PCDH9: variants seen among roughly 807,000 people sequenced by gnomAD.
PCDH9 encodes the protein protocadherin 9.
In PCDH9, 24 loss-of-function variants were observed where a neutral mutation model predicts 70.6. The ratio of observed to expected loss-of-function variants is 0.34; its 90% CI spans 0.25 to 0.48. The LOEUF (loss-of-function observed/expected upper bound fraction) is 0.48. Among genes scored for constraint, PCDH9 ranks in the 20% least tolerant of loss-of-function variants. The pLI, the probability that PCDH9 is intolerant of heterozygous loss-of-function variation, is 0.99. For synonymous variants in PCDH9, 562 were observed against 558.5 expected (o/e 1.01, Z -0.09); for missense variants, 1,281 against 1,503.6 (o/e 0.85, Z 2.45).
At chr13:67,087,032 T>A (rs540133238) in intron 2 of PCDH9, among the ~76,000 whole-genome samples, 6 of 151,380 alleles carry the variant, frequency 4.0e-5, no homozygotes, top group African/African-American at 1.5e-4. Context: ...AGTTTTACTG[T>A]TTGTTCATTT....
intron 2 of PCDH9, among the ~76,000 whole-genome samples, chr13:67,150,691 T>C (rs899598642): frequency 6.6e-5 from 10 of 152,154 alleles, no homozygotes; most frequent in African/African-American, 2.4e-4. Flanking sequence ...AGAAAACCAT[T>C]TGCAACTAAC....
chr13:66,552,638 A>C (rs1457341629), intron 4 of PCDH9, among the ~76,000 whole-genome samples: 2 of 152,314 alleles, frequency 1.3e-5, no homozygotes, highest in East Asian at 3.9e-4. Flanking sequence ...AACTGGATAC[A>C]TGGAAGTAAA....
intron 3 of PCDH9, among the ~76,000 whole-genome samples, chr13:66,786,861 T>A (rs927426286): frequency 6.6e-6 from 1 of 152,214 alleles, no homozygotes; most frequent in African/African-American, 2.4e-5. Context: ...GATAAAAAAA[T>A]TCTCATCATG....
intron 4 of PCDH9, among the ~76,000 whole-genome samples, chr13:66,532,324 C>A (rs753020116): frequency 1.3e-5 from 2 of 152,008 alleles, no homozygotes; most frequent in Non-Finnish European, 2.9e-5. Context: ...AATGCTTAAA[C>A]CACATCTTCA....
chr13:66,394,253 G>C (rs964054763), intron 4 of PCDH9, among the ~76,000 whole-genome samples: 2 of 152,118 alleles, frequency 1.3e-5, no homozygotes, highest in African/African-American at 4.8e-5. Flanking sequence ...AGGTCTTCTT[G>C]AGTAGAATAT....
intron 3 of PCDH9, among the ~76,000 whole-genome samples, chr13:66,849,966 G>T (rs796885884): frequency 6.6e-6 from 1 of 152,122 alleles, no homozygotes; most frequent in Non-Finnish European, 1.5e-5. Context: ...GGGAAGGAAA[G>T]GTCAGTCCCT....
chr13:66,447,925 T>C (rs1958128234), intron 4 of PCDH9, among the ~76,000 whole-genome samples: 1 of 152,154 alleles, frequency 6.6e-6, no homozygotes, highest in South Asian at 2.1e-4. Flanking sequence ...CTGAGTTCTT[T>C]CAGTTTGGAG....
At chr13:66,706,805 T>C (rs1482242782) in intron 3 of PCDH9, among the ~76,000 whole-genome samples, 3 of 151,758 alleles carry the variant, frequency 2.0e-5, no homozygotes, top group Non-Finnish European at 4.4e-5. Flanking sequence ...GGGCAAGGAG[T>C]AAAAAGAGTC....
chr13:67,078,489 CAA>C (rs1361150558), intron 2 of PCDH9, among the ~76,000 whole-genome samples: 1 of 152,072 alleles, frequency 6.6e-6, no homozygotes, highest in African/African-American at 2.4e-5. Flanking sequence ...CACAGTTCCT[CAA>C]AAAAGTTTCA....
chr13:67,216,934 A>T (rs948161867), intron 2 of PCDH9: 1 of 151,764 alleles, frequency 6.6e-6, no homozygotes, highest in East Asian at 1.9e-4. Flanking sequence ...CGGTTCAATG[A>T]CATGAATATA....
chr13:66,809,923 A>G (rs962110316), intron 3 of PCDH9, among the ~76,000 whole-genome samples: 1 of 152,208 alleles, frequency 6.6e-6, no homozygotes, highest in African/African-American at 2.4e-5. Context: ...GGCTAAAGAA[A>G]GCAACATTTA....
intron 3 of PCDH9, among the ~76,000 whole-genome samples, chr13:66,832,507 AAC>A (rs1346457333): frequency 1.3e-5 from 2 of 152,088 alleles, no homozygotes; most frequent in African/African-American, 4.8e-5. Flanking sequence ...ATATTTTTCA[AAC>A]ACATCTATAT....
intron 2 of PCDH9, among the ~76,000 whole-genome samples, chr13:67,072,385 C>A (rs2085784313): frequency 6.6e-6 from 1 of 152,164 alleles, no homozygotes; most frequent in South Asian, 2.1e-4. Flanking sequence ...GAGGTCCCTG[C>A]ATTTTTCCCA....
chr13:67,095,598 C>A (rs1293343212), intron 2 of PCDH9, among the ~76,000 whole-genome samples: 1 of 152,088 alleles, frequency 6.6e-6, no homozygotes. Context: ...TCTGCAGTTA[C>A]ATCAGTGTGA....
chr13:66,469,265 G>T lies in PCDH9; in HGVS notation c.3340+161945C>A, dbSNP rs555417019. On this transcript the variant is annotated intron_variant, in intron 4 of 4. Coordinates refer to ENST00000377865, the MANE Select transcript of PCDH9 (RefSeq NM_203487.3). ...AATAAGGGTAGTAACGTACCTGTTT[G>T]CCCAAAAAGAAACATTTTGCTGCGA... Among the ~76,000 whole-genome samples, 86 of 151,980 alleles carry T rather than the reference G, an allele frequency of 5.7e-4. 1 individual carries two copies. The highest frequency in any genetic ancestry group is 1.1e-3 in the Non-Finnish European group (78 of 67,966).
intron 3 of PCDH9, among the ~76,000 whole-genome samples, chr13:66,882,890 C>T (rs2081945143): frequency 6.6e-6 from 1 of 152,184 alleles, no homozygotes; most frequent in Admixed American, 6.5e-5. Flanking sequence ...ATACTGACCT[C>T]GTGAAGTCCT....
intron 2 of PCDH9, chr13:67,222,101 T>A (rs1013007564): frequency 6.6e-6 from 1 of 152,250 alleles, no homozygotes. Flanking sequence ...AGAATCAGTA[T>A]CATATTTTAA....
At chr13:66,591,252 T>C (rs1169166713) in intron 4 of PCDH9, among the ~76,000 whole-genome samples, 1 of 151,770 alleles carries the variant, frequency 6.6e-6, no homozygotes, top group Non-Finnish European at 1.5e-5. Context: ...AAACCAGTGA[T>C]ATATTGGTTT....
chr13:66,838,640 C>A (rs965178707), intron 3 of PCDH9, among the ~76,000 whole-genome samples: 3 of 151,690 alleles, frequency 2.0e-5, no homozygotes, highest in Non-Finnish European at 4.4e-5. Flanking sequence ...ACATAAAAAC[C>A]CATGTGAATG....
Sources: gnomAD v4.1 joint callset for allele counts (sites outside exome capture counted in the v4.1 genomes callset) on GRCh38, gnomAD v4.1.1 for gene constraint, MANE v1.5 for transcripts, NCBI Gene and HGNC (gene_info 2026-07-23, HGNC 2026-07-21) for gene names.